Variants in UNC13A observed in about 807,000 individuals in gnomAD.
UNC13A encodes the protein protein unc-13 homolog A.
UNC13A carries 61 observed loss-of-function variants against 219.7 expected under a neutral mutation model. That is an observed-to-expected ratio of 0.28 (90% CI 0.23 to 0.34). The LOEUF (loss-of-function observed/expected upper bound fraction) is 0.34, where lower values mean the gene tolerates loss of function less well. UNC13A is among the 10% of genes least tolerant of loss of function. UNC13A has a pLI of 1.00. For missense variants in UNC13A, 1,476 were observed against 2,270.3 expected, an observed-to-expected ratio of 0.65 and a Z score of 7.11; for synonymous variants, 920 against 884.6, an observed-to-expected ratio of 1.04 and a Z score of -0.71.
chr19:17,606,095 T>A lies in UNC13A; in HGVS notation c.5071A>T (p.Thr1691Ser). 1 of 1,592,336 alleles carries A rather than the reference T, an allele frequency of 6.3e-7. No homozygotes were observed. Among genetic ancestry groups the A allele is most frequent in the Non-Finnish European group, 8.5e-7 (1 of 1,172,108 alleles). ...AKEFVKLKSD[T>S]RSAEEGGAAP... The stretch of plus-strand genomic sequence containing the variant: ...GCACCGCCCTCCTCGGCGGAGCGCG[T>A]GTCCGACTTGAGCTTCACGAACTCC... Residue 1691 changes from threonine to serine, a missense_variant, in exon 44 of 44, where the codon ACG (threonine) becomes TCG (serine). Thr to Ser is a moderately conservative substitution (Grantham distance 58). Around this residue, in one of 14 missense-constraint regions of UNC13A, gnomAD observed 187 missense variants for 172.3 expected, o/e 1.09. Transcript: ENST00000519716.
chr19:17,636,184 T>A (rs900242347), intron 25 of UNC13A, 27 bp from the exon 26 acceptor site: 1 of 1,567,762 alleles, frequency 6.4e-7, no homozygotes, highest in African/African-American at 1.4e-5. Context: ...AGACCTCGGT[T>A]ATAGGGGGTC....
At chr19:17,645,615 T>C (rs757709498) in intron 19 of UNC13A, 59 bp downstream of exon 19, 8 of 1,600,574 alleles carry the variant, frequency 5.0e-6, no homozygotes, top group South Asian at 2.2e-5. Flanking sequence ...GTGGGCTCCA[T>C]GCTCTGGCTG....
chr19:17,668,853 T>C (rs1169984454), intron 5 of UNC13A, among the ~76,000 whole-genome samples: 1 of 152,112 alleles, frequency 6.6e-6, no homozygotes, highest in Non-Finnish European at 1.5e-5. Flanking sequence ...TGGAGTGCAG[T>C]GGCACAATCA....
At chr19:17,655,429 C>T in intron 10 of UNC13A, 47 bp from the exon 11 acceptor site, 1 of 1,411,454 alleles carries the variant, frequency 7.1e-7, no homozygotes, top group South Asian at 1.2e-5. Flanking sequence ...CTCCGTGACC[C>T]CTGAACTTCC....
intron 35 of UNC13A, 69 bp downstream of exon 35, chr19:17,624,760 C>A: frequency 1.3e-6 from 2 of 1,541,244 alleles, no homozygotes; most frequent in Non-Finnish European, 8.7e-7. Context: ...AGCCTCTAGG[C>A]ACCAAGTTTT....
intron 23 of UNC13A, 61 bp from the exon 24 acceptor site, chr19:17,639,586 G>T: frequency 6.5e-7 from 1 of 1,540,760 alleles, no homozygotes; most frequent in Non-Finnish European, 8.9e-7. Flanking sequence ...ATGGGAGACT[G>T]CTTTTCAGGG....
At chr19:17,665,179 G>A (rs2079618083) in intron 7 of UNC13A, among the ~76,000 whole-genome samples, 1 of 146,930 alleles carries the variant, frequency 6.8e-6, no homozygotes, top group African/African-American at 2.5e-5. Flanking sequence ...CAGTCTGGGT[G>A]ACAGAGGGAG....
At chr19:17,623,210 G>A (rs2076747060) in intron 36 of UNC13A, 2 of 345,414 alleles carry the variant, frequency 5.8e-6, no homozygotes, top group East Asian at 9.6e-5. Context: ...AGGGCGTCTG[G>A]TGACATCTGG....
At chr19:17,653,048 T>C (rs557090817) in intron 11 of UNC13A, among the ~76,000 whole-genome samples, 1 of 152,242 alleles carries the variant, frequency 6.6e-6, no homozygotes, top group South Asian at 2.1e-4. Context: ...CCTCTATTTA[T>C]CATTCGGGTC....
intron 1 of UNC13A, among the ~76,000 whole-genome samples, chr19:17,681,917 CT>C (rs1003358951): frequency 6.6e-5 from 10 of 151,106 alleles, no homozygotes; most frequent in Admixed American, 6.0e-4. Context: ...TTCCAGAAAG[CT>C]TTTAGTCTCC....
At chr19:17,606,661 C>T (rs1219180619) in intron 43 of UNC13A, among the ~76,000 whole-genome samples, 1 of 151,700 alleles carries the variant, frequency 6.6e-6, no homozygotes, top group Admixed American at 6.6e-5. Flanking sequence ...CCTGCAAGGC[C>T]ATGCTCCCAC....
chr19:17,635,891 T>C (rs976208924), intron 26 of UNC13A, 133 bp downstream of exon 26: 5 of 1,165,562 alleles, frequency 4.3e-6, no homozygotes, highest in Non-Finnish European at 4.8e-6. Context: ...TGCACAGGTA[T>C]AATCAGACCC....
chr19:17,641,320 T>A (rs2076966986), intron 21 of UNC13A, 73 bp downstream of exon 21: 1 of 1,540,960 alleles, frequency 6.5e-7, no homozygotes, highest in Non-Finnish European at 8.8e-7. Flanking sequence ...TGAGAATCCC[T>A]CCCACCCCAG....
intron 7 of UNC13A, among the ~76,000 whole-genome samples, chr19:17,664,846 G>A (rs1329244150): frequency 6.6e-6 from 1 of 152,162 alleles, no homozygotes; most frequent in East Asian, 1.9e-4. Context: ...TGGACACATG[G>A]TGAGGGAGAC....
At chr19:17,626,318 T>A (rs2076783441) in intron 34 of UNC13A, 1 of 265,176 alleles carries the variant, frequency 3.8e-6, no homozygotes, top group East Asian at 7.0e-5. Context: ...CCATCCATCT[T>A]TTTAAAACAT....
At position 17,626,726 on chromosome 19, in the gene UNC13A, T is replaced by C. The variant is rs1443086904; in HGVS notation, c.3980A>G (p.Lys1327Arg). ...KQMGDILSQV[K>R]GTGNVPASAC... ...ACTGGCTGGCACATTGCCTGTGCCC[T>C]TAACCTGGCTAAGGATGTCACCCAT... Residue 1327 changes from lysine (K) to arginine (R), a missense_variant, in exon 34 of 44, where the codon AAG becomes AGG. This residue lies in a region of UNC13A where 218 missense variants were observed against 409.4 expected (regional missense o/e 0.53). Coordinates refer to ENST00000519716, the MANE Select transcript of UNC13A (RefSeq NM_001080421.3). 6.2e-7 allele frequency: 1 copy of C among 1,610,692 alleles called. No homozygotes were observed.
chr19:17,616,287 C>G (rs1002657261), intron 41 of UNC13A: 1 of 587,912 alleles, frequency 1.7e-6, no homozygotes, highest in Non-Finnish European at 3.1e-6. Context: ...CCGCTCAGGC[C>G]TGGGCGGCGG....
chr19:17,611,638 C>T, intron 42 of UNC13A, 125 bp downstream of exon 42: 8 of 845,986 alleles, frequency 9.5e-6, no homozygotes, highest in Non-Finnish European at 1.5e-5. Context: ...AGGTGGCCAC[C>T]TTTGGACGTT....
In UNC13A at chr19:17,642,832, C is replaced by T; in HGVS notation, c.2472+13G>A. On this transcript the variant is annotated intron_variant, in intron 20 of 43. Coordinates refer to ENST00000519716, the MANE Select transcript of UNC13A (RefSeq NM_001080421.3). The stretch of plus-strand genomic sequence containing the variant: ...TGGAAGTGGCATGGGAGGGGCCGAG[C>T]AATGACCCTCACCTCATGCAGACAG... The T allele has an allele frequency of 2.5e-6, 4 of 1,596,052 alleles. No homozygotes were observed. Among genetic ancestry groups the T allele is most frequent in the Non-Finnish European group, 2.6e-6 (3 of 1,170,288 alleles).
Sources: gnomAD v4.1 joint callset for allele counts (sites outside exome capture counted in the v4.1 genomes callset) on GRCh38, gnomAD v4.1.1 for gene constraint, gnomAD v4.1.1 regional missense constraint, MANE v1.5 for transcripts, NCBI Gene and HGNC (gene_info 2026-07-23, HGNC 2026-07-21) for gene names.